PFKP: variants seen among roughly 807,000 people sequenced by gnomAD.
The protein encoded by PFKP is ATP-dependent 6-phosphofructokinase, platelet type.
PFKP carries 101 observed loss-of-function variants against 94.3 expected under a neutral mutation model. The ratio of observed to expected loss-of-function variants is 1.07; its 90% CI spans 0.91 to 1.26. PFKP has a LOEUF of 1.26. Among genes scored for constraint, PFKP ranks in the 50% most tolerant of loss-of-function variants. The pLI, the probability that PFKP is intolerant of heterozygous loss-of-function variation, is 0.00. For missense variants in PFKP, 1,145 were observed against 1,103.3 expected, an observed-to-expected ratio of 1.04 and a Z score of -0.53; for synonymous variants, 573 against 432.6, an observed-to-expected ratio of 1.32 and a Z score of -4.03.
intron 18 of PFKP, among the ~76,000 whole-genome samples, chr10:3,132,648 T>G (rs1838725531): frequency 6.6e-6 from 1 of 151,936 alleles, no homozygotes; most frequent in African/African-American, 2.4e-5. Flanking sequence ...CTTTATAGTC[T>G]CTTATTCTTT....
chr10:3,072,895 G>A (rs1203495138), intron 1 of PFKP, among the ~76,000 whole-genome samples: 2 of 151,942 alleles, frequency 1.3e-5, no homozygotes, highest in African/African-American at 4.8e-5. Context: ...AGAAAGTGCG[G>A]GTGAATATAG....
At chr10:3,121,109 A>G (rs927151415) in intron 16 of PFKP, among the ~76,000 whole-genome samples, 2 of 152,238 alleles carry the variant, frequency 1.3e-5, no homozygotes, top group Non-Finnish European at 2.9e-5. Flanking sequence ...AGTAATGCTT[A>G]GCACTCGTTT....
chr10:3,131,303 T>G (rs1838558345), intron 17 of PFKP, among the ~76,000 whole-genome samples: 4 of 152,006 alleles, frequency 2.6e-5, no homozygotes, highest in South Asian at 2.1e-4. Flanking sequence ...GTAGGATGTT[T>G]GCGCAAGGCT....
At chr10:3,125,355 T>G (rs1285990269) in intron 16 of PFKP, 6 of 877,622 alleles carry the variant, frequency 6.8e-6, no homozygotes, top group Non-Finnish European at 8.9e-6. Context: ...TTTTCTCCCC[T>G]TTGTTAGCTT....
At chr10:3,103,667 T>A in intron 4 of PFKP, 112 bp from the exon 5 acceptor site, 1 of 1,020,852 alleles carries the variant, frequency 9.8e-7, no homozygotes, top group Admixed American at 2.1e-5. Flanking sequence ...TAACAAAGAG[T>A]TTAGAATGGT....
At chr10:3,102,034 G>A (rs1019073281) in intron 4 of PFKP, among the ~76,000 whole-genome samples, 10 of 151,736 alleles carry the variant, frequency 6.6e-5, no homozygotes, top group East Asian at 1.9e-4. Context: ...GGCGGATCAC[G>A]AGGTCAGGAG....
intron 16 of PFKP, 58 bp downstream of exon 16, chr10:3,120,102 G>A (rs560611765): frequency 7.3e-5 from 110 of 1,517,224 alleles, no homozygotes; most frequent in South Asian, 1.6e-4. Flanking sequence ...CCGGGGCCCC[G>A]GCCCTTTTTA....
intron 16 of PFKP, among the ~76,000 whole-genome samples, chr10:3,128,162 C>T (rs915968601): frequency 3.9e-5 from 6 of 152,170 alleles, no homozygotes; most frequent in East Asian, 1.9e-4. Flanking sequence ...ATTTCTTGAG[C>T]GCCTGCTGTG....
chr10:3,075,282 T>G (rs1454758827), intron 1 of PFKP, among the ~76,000 whole-genome samples: 2 of 151,932 alleles, frequency 1.3e-5, no homozygotes, highest in Non-Finnish European at 2.9e-5. Context: ...ATGGCCAGTT[T>G]TAGGGTCAGT....
intron 3 of PFKP, chr10:3,101,123 G>T (rs1468647756): frequency 2.3e-6 from 2 of 851,908 alleles, no homozygotes; most frequent in Non-Finnish European, 3.8e-6. Context: ...GCTGCCGTGT[G>T]TCTGGCTCTG....
chr10:3,129,033 T>C (rs1838262807), intron 16 of PFKP: 1 of 152,246 alleles, frequency 6.6e-6, no homozygotes, highest in South Asian at 2.1e-4. Context: ...ATGTTTTTTA[T>C]AGATGGGGTC....
In PFKP at chr10:3,135,740, A is replaced by C; in HGVS notation, c.2127A>C (p.Lys709Asn). 1 of 1,605,424 alleles carries C rather than the reference A, an allele frequency of 6.2e-7. No homozygotes were observed. Among genetic ancestry groups the C allele is most frequent in the Non-Finnish European group, 8.5e-7 (1 of 1,173,428 alleles). ...AKLKEARGRG[K>N]KFTTDDSICV... Reference sequence around the variant, plus strand: ...CTTTTTTAAAATCTTTTATAGGAAAAAAATTTACCACCGATGATTCCATTT... The same window carrying C: ...CTTTTTTAAAATCTTTTATAGGAAACAAATTTACCACCGATGATTCCATTT... Residue 709 changes from lysine to asparagine, a missense_variant, in exon 21 of 22, where the codon AAA becomes AAC. By Grantham distance (94) the Lys-to-Asn change is moderately conservative. Transcript: ENST00000381125.
At chr10:3,115,280 ACG>A (rs1836673938) in intron 13 of PFKP, among the ~76,000 whole-genome samples, 2 of 74,726 alleles carry the variant, frequency 2.7e-5, no homozygotes, top group African/African-American at 5.9e-5. Context: ...TGTGTGTCCC[ACG>A]GCGGAGGACA....
At chr10:3,069,206 GC>G in intron 1 of PFKP, 2 of 1,284,678 alleles carry the variant, frequency 1.6e-6, no homozygotes, top group Non-Finnish European at 9.9e-7. Context: ...GCCCTGCAGC[GC>G]CCCCGGGAAG....
intron 2 of PFKP, among the ~76,000 whole-genome samples, chr10:3,096,701 A>C (rs1834509248): frequency 6.6e-6 from 1 of 151,798 alleles, no homozygotes; most frequent in Admixed American, 6.6e-5. Context: ...GGATCACTGC[A>C]GATGGCAGTT....
At chr10:3,092,106 C>T (rs1192993572) in intron 2 of PFKP, among the ~76,000 whole-genome samples, 2 of 152,148 alleles carry the variant, frequency 1.3e-5, no homozygotes, top group African/African-American at 4.8e-5. Flanking sequence ...CCACCGGCCC[C>T]CAAGCTTAGC....
In PFKP at chr10:3,117,628, C is replaced by T. The variant is rs187466295; in HGVS notation, c.1442+782C>T. 8.5e-5 allele frequency among the ~76,000 whole-genome samples: 13 copies of T among 152,304 alleles called. No homozygotes were observed. The East Asian group carries it at 1.9e-3, about 23-fold the overall frequency. ...GGTGGGAGCCTCGGAGCTGGGTTAG[C>T]TCTACAGCTGCCTCCCGGCTGTTCT... On this transcript the variant is annotated intron_variant, in intron 14 of 21. Transcript: ENST00000381125.
intron 10 of PFKP, 46 bp downstream of exon 10, chr10:3,109,526 A>G (rs1588492215): frequency 6.3e-7 from 1 of 1,586,862 alleles, no homozygotes; most frequent in South Asian, 1.1e-5. Context: ...GACGGCTGGG[A>G]CAGAAGCTGC....
intron 12 of PFKP, 25 bp downstream of exon 12, chr10:3,113,213 C>T (rs201205914): frequency 6.2e-7 from 1 of 1,605,054 alleles, no homozygotes; most frequent in Admixed American, 1.7e-5. Flanking sequence ...TCCCGCGATG[C>T]CCCGACCTCT....
Sources: allele counts gnomAD v4.1 joint callset (sites outside exome capture counted in the v4.1 genomes callset), GRCh38; gene constraint gnomAD v4.1.1; transcripts MANE v1.5; gene names NCBI Gene and HGNC (gene_info 2026-07-23, HGNC 2026-07-21).